RNF43: variants seen among roughly 807,000 people sequenced by gnomAD.
The protein encoded by RNF43 is E3 ubiquitin-protein ligase RNF43.
In RNF43, 37 loss-of-function variants were observed where a neutral mutation model predicts 78.4. That is an observed-to-expected ratio of 0.47 (90% CI 0.36 to 0.62). The LOEUF (loss-of-function observed/expected upper bound fraction) is 0.62, where lower values mean the gene tolerates loss of function less well. RNF43 is among the 20% of genes least tolerant of loss of function. The pLI is 0.00. For synonymous variants in RNF43, 347 were observed against 395.0 expected, an observed-to-expected ratio of 0.88 and a Z score of 1.44; for missense variants, 774 against 1,007.9, an observed-to-expected ratio of 0.77 and a Z score of 3.14.
Position 58,353,922 on chromosome 17 carries a change from G to A in RNF43, c.*1021C>T, listed in dbSNP as rs1972626442. The A allele has an allele frequency of 5.4e-6, 1 of 185,302 alleles. No individual in the cohort carries two copies. Among genetic ancestry groups the A allele is most frequent in the Non-Finnish European group, 1.1e-5 (1 of 87,250 alleles). 11.5% of individuals were successfully genotyped at this position (185,302 alleles called of 1,614,324 possible). A position where few individuals can be genotyped will look rare whatever the true frequency, so the allele number is the denominator to read the frequency against. ...CCTGGGGTGAATGTCACCCTGATGA[G>A]GCCCATCAGCTCTTGTCCACTCAGT... is the stretch of plus-strand genomic sequence containing the variant. On this transcript the variant is annotated 3_prime_UTR_variant, in exon 10 of 10. Transcript: ENST00000407977.
At position 58,360,453 on chromosome 17, in the gene RNF43, C is replaced by T. The variant is rs576846654; in HGVS notation, c.850-202G>A. 1.4e-4 allele frequency among the ~76,000 whole-genome samples: 21 copies of T among 152,318 alleles called. No individual in the cohort carries two copies. The highest frequency in any genetic ancestry group is 2.9e-4 in the Non-Finnish European group (20 of 68,028). On this transcript the variant is annotated intron_variant, in intron 7 of 9. Coordinates refer to ENST00000407977, the MANE Select transcript of RNF43 (RefSeq NM_017763.6). This position sits in a 1 kb window ranked among gnomAD's most constrained non-coding sequence, Gnocchi z 4.3. The stretch of plus-strand genomic sequence containing the variant: ...TAGCTGCATGACGTTGGGCAACTTT[C>T]TTAACAGACAGTTTTCTGCTGTAAA...
intron 2 of RNF43, among the ~76,000 whole-genome samples, chr17:58,401,839 AC>A (rs1973807339): frequency 2.2e-5 from 3 of 138,182 alleles, no homozygotes; most frequent in Non-Finnish European, 4.7e-5. Context: ...AAAAAAAAAA[AC>A]CTATAATCTA....
chr17:58,405,745 A>AGAAAGAAG (rs1256848441), intron 2 of RNF43, among the ~76,000 whole-genome samples: 4 of 151,978 alleles, frequency 2.6e-5, no homozygotes, highest in African/African-American at 9.7e-5. Flanking sequence ...AAAGAAAGAA[A>AGAAAGAAG]GAAAGAAAGA....
intron 2 of RNF43, among the ~76,000 whole-genome samples, chr17:58,402,956 A>C (rs546942245): frequency 1.6e-4 from 25 of 152,300 alleles, no homozygotes; most frequent in Admixed American, 1.4e-3. Flanking sequence ...GAGAAACCCC[A>C]AACTCCCAAG....
At chr17:58,363,471 G>A (rs2143471862) in intron 4 of RNF43, 55 bp downstream of exon 4, 1 of 1,612,800 alleles carries the variant, frequency 6.2e-7, no homozygotes, top group Non-Finnish European at 8.5e-7. Flanking sequence ...TCCCCTGAGA[G>A]CTTTATCTTC....
intron 2 of RNF43, among the ~76,000 whole-genome samples, chr17:58,391,501 C>T (rs1459360446): frequency 6.6e-6 from 1 of 152,182 alleles, no homozygotes; most frequent in East Asian, 1.9e-4. Flanking sequence ...TGGCTGTGCA[C>T]AGAGTACCAT....
Position 58,354,401 on chromosome 17 carries a change from CT to C in RNF43, c.*541del. On this transcript the variant is annotated 3_prime_UTR_variant, in exon 10 of 10. Transcript: ENST00000407977. ...TCAGGGCTCACCTATGCTACTGGTC[CT>C]TTTGGCAAAAAAGGAAAATGATAGA... 4.3e-6 allele frequency: 1 copy of C among 230,650 alleles called. No individual in the cohort carries two copies. Among genetic ancestry groups the C allele is most frequent in the African/African-American group, 2.2e-5 (1 of 45,098 alleles). The allele number at this position is 230,650 out of a possible 1,614,324, so 14.3% of individuals were successfully genotyped here. A position where few individuals can be genotyped will look rare whatever the true frequency, so the allele number is the denominator to read the frequency against.
intron 3 of RNF43, among the ~76,000 whole-genome samples, chr17:58,370,125 G>A (rs1047565488): frequency 1.4e-5 from 2 of 139,722 alleles, no homozygotes; most frequent in African/African-American, 5.5e-5. Flanking sequence ...CTGGAGTGCA[G>A]TGGCACGATC....
chr17:58,406,491 C>T (rs1223476600), intron 2 of RNF43, among the ~76,000 whole-genome samples: 4 of 152,112 alleles, frequency 2.6e-5, no homozygotes, highest in African/African-American at 9.7e-5. Flanking sequence ...CCCTCCCCTC[C>T]ATCAAAACTG....
At position 58,357,092 on chromosome 17, in the gene RNF43, C is replaced by T; in HGVS notation, c.2308+376G>A. On this transcript the variant is annotated intron_variant, in intron 9 of 9. Coordinates refer to ENST00000407977, the MANE Select transcript of RNF43 (RefSeq NM_017763.6). The surrounding 1 kb of genome is among the most constrained non-coding windows in gnomAD (Gnocchi z 4.5). ...TATTTTTAGTAGAGATAGGGTTTCA[C>T]CATGTTGGCCAGGTTGGTCTTGAAC... is the stretch of plus-strand genomic sequence containing the variant. 1 of 636,846 alleles carries T rather than the reference C, an allele frequency of 1.6e-6. No homozygotes were observed. The highest frequency in any genetic ancestry group is 2.8e-6 in the Non-Finnish European group (1 of 352,758). 39.4% of individuals were successfully genotyped at this position (636,846 alleles called of 1,614,324 possible). A position where few individuals can be genotyped will look rare whatever the true frequency, so the allele number is the denominator to read the frequency against.
At chr17:58,389,272 G>A (rs888966893) in intron 2 of RNF43, among the ~76,000 whole-genome samples, 3 of 152,168 alleles carry the variant, frequency 2.0e-5, no homozygotes, top group Non-Finnish European at 2.9e-5. Flanking sequence ...GGAGTACCAG[G>A]ATGAAGGAAA....
At chr17:58,407,490 G>T (rs571702303) in intron 2 of RNF43, among the ~76,000 whole-genome samples, 18 of 152,106 alleles carry the variant, frequency 1.2e-4, no homozygotes, top group Non-Finnish European at 2.4e-4. Flanking sequence ...AATCATTTTG[G>T]TTACTCTGGT....
chr17:58,386,302 G>A (rs1339396448), intron 2 of RNF43, among the ~76,000 whole-genome samples: 1 of 151,090 alleles, frequency 6.6e-6, no homozygotes, highest in African/African-American at 2.4e-5. Context: ...GGTACGCGCT[G>A]GTAGTCCCAG....
chr17:58,404,147 G>A (rs1459194102), intron 2 of RNF43, among the ~76,000 whole-genome samples: 4 of 152,178 alleles, frequency 2.6e-5, no homozygotes, highest in Non-Finnish European at 2.9e-5. Context: ...CTCATGCTTA[G>A]TTCTGCTACC....
rs1972808593 is a variant in RNF43, at chr17:58,360,362, A to G, written c.850-111T>C. The G allele has an allele frequency of 1.4e-6, 1 of 737,688 alleles. No homozygotes were observed. Among genetic ancestry groups the G allele is most frequent in the East Asian group, 2.7e-5 (1 of 37,560 alleles). 45.7% of individuals were successfully genotyped at this position (737,688 alleles called of 1,614,324 possible). On this transcript the variant is annotated intron_variant, in intron 7 of 9. Transcript: ENST00000407977. The surrounding 1 kb of genome is among the most constrained non-coding windows in gnomAD (Gnocchi z 4.3). ...CCTCTCCTTGCTATTATCTACTTGT[A>G]AAAGACCTCACAGTAGAATAGGAAT...
At chr17:58,409,138 C>T (rs1234639597) in intron 2 of RNF43, among the ~76,000 whole-genome samples, 3 of 152,210 alleles carry the variant, frequency 2.0e-5, no homozygotes, top group Non-Finnish European at 4.4e-5. Flanking sequence ...TCTCCTATCT[C>T]CTGCAAACCA....
rs571365734 is a variant in RNF43, at chr17:58,386,117, C to A, written c.253-15084G>T. On this transcript the variant is annotated intron_variant, in intron 2 of 9. Transcript: ENST00000407977. ...ACCTTGTCCCTAAAAAAACAAAAAA[C>A]GAAAAAACAACAACAAAAAACACCA... Among the ~76,000 whole-genome samples the A allele has an allele frequency of 6.1e-5, 9 of 147,336 alleles. 1 individual carries two copies. The highest frequency in any genetic ancestry group is 4.7e-4 in the Admixed American group (7 of 14,802).
intron 3 of RNF43, among the ~76,000 whole-genome samples, chr17:58,370,500 A>T (rs1024465463): frequency 2.8e-4 from 43 of 152,332 alleles, no homozygotes; most frequent in Non-Finnish European, 4.0e-4. Context: ...CCAGTTTGCA[A>T]CCTCAGGGGA....
intron 2 of RNF43, among the ~76,000 whole-genome samples, chr17:58,388,008 T>G (rs1973473432): frequency 6.9e-6 from 1 of 144,344 alleles, no homozygotes; most frequent in African/African-American, 2.6e-5. Context: ...AAAACCACCT[T>G]ATCTGATATT....
Sources: gnomAD v4.1 joint callset for allele counts (sites outside exome capture counted in the v4.1 genomes callset) on GRCh38, gnomAD v4.1.1 for gene constraint, Gnocchi (gnomAD v3.1) non-coding constraint, MANE v1.5 for transcripts, NCBI Gene and HGNC (gene_info 2026-07-23, HGNC 2026-07-21) for gene names.